TTC1: variants seen among roughly 807,000 people sequenced by gnomAD.
The protein encoded by TTC1 is tetratricopeptide repeat protein 1.
Under a neutral mutation model 37.6 loss-of-function variants are expected in TTC1, and 31 were observed. The ratio of observed to expected loss-of-function variants is 0.82; its 90% CI spans 0.62 to 1.11. TTC1 has a LOEUF of 1.11. TTC1 is among the 50% of genes most tolerant of loss of function. TTC1 has a pLI of 0.00. For synonymous variants in TTC1, 127 were observed against 122.4 expected (o/e 1.04, Z -0.25); for missense variants, 351 against 339.0 (o/e 1.04, Z -0.28).
Position 160,010,545 on chromosome 5 carries a change from A to G in TTC1, c.17A>G (p.Glu6Gly). The change falls in exon 2 of 8, where the codon GAG (glutamate) becomes GGG (glycine). Residue 6 changes from glutamate to glycine, a missense_variant. Transcript: ENST00000231238. MGEKSENCGVPEDLLN... is the reference protein window; with the variant it reads MGEKSGNCGVPEDLLN... ...CTGGGCAGCATGGGGGAGAAGTCAG[A>G]GAACTGTGGGGTTCCAGAGGATCTG... 3 of 1,613,232 alleles carry G rather than the reference A, an allele frequency of 1.9e-6. No homozygotes were observed. The highest frequency in any genetic ancestry group is 2.5e-6 in the Non-Finnish European group (3 of 1,179,300).
chr5:160,030,996 A>G (rs1012324237), intron 2 of TTC1, among the ~76,000 whole-genome samples: 2 of 152,152 alleles, frequency 1.3e-5, no homozygotes, highest in Non-Finnish European at 2.9e-5. Context: ...AGACCTATAC[A>G]CTATCTATCA....
chr5:160,033,894 ATTAC>A, intron 2 of TTC1, among the ~76,000 whole-genome samples: 1 of 152,282 alleles, frequency 6.6e-6, no homozygotes, highest in Admixed American at 6.5e-5. Context: ...TCCCTTTGAA[ATTAC>A]TTAATCAGAA....
At chr5:160,034,105 C>T (rs913424468) in intron 2 of TTC1, among the ~76,000 whole-genome samples, 5 of 145,354 alleles carry the variant, frequency 3.4e-5, no homozygotes, top group African/African-American at 1.3e-4. Flanking sequence ...CTAGCCTGGA[C>T]AACATAGTGA....
At chr5:160,059,728 C>G (rs1009908480) in intron 7 of TTC1, among the ~76,000 whole-genome samples, 4 of 152,192 alleles carry the variant, frequency 2.6e-5, no homozygotes, top group Non-Finnish European at 5.9e-5. Flanking sequence ...CTGTCTTATG[C>G]GGGTGCAGTT....
intron 3 of TTC1, among the ~76,000 whole-genome samples, chr5:160,035,465 C>G (rs1461669795): frequency 1.3e-5 from 2 of 152,198 alleles, no homozygotes; most frequent in Non-Finnish European, 2.9e-5. Context: ...GGGTAAAACT[C>G]TTGAGCTCTT....
intron 2 of TTC1, among the ~76,000 whole-genome samples, chr5:160,019,608 T>C (rs2113348174): frequency 7.3e-6 from 1 of 137,614 alleles, no homozygotes; most frequent in South Asian, 2.3e-4. Flanking sequence ...TTTTTTGAGA[T>C]GGATATTCCC....
At chr5:160,010,049 A>G (rs1756467583) in intron 1 of TTC1, among the ~76,000 whole-genome samples, 1 of 152,150 alleles carries the variant, frequency 6.6e-6, no homozygotes, top group Non-Finnish European at 1.5e-5. Context: ...CAGAACACGA[A>G]CGGTGGAACG....
chr5:160,030,626 G>A (rs189883219), intron 2 of TTC1, among the ~76,000 whole-genome samples: 1 of 152,322 alleles, frequency 6.6e-6, no homozygotes, highest in Admixed American at 6.5e-5. Context: ...CGTTCATCAA[G>A]AGCATTGGCT....
intron 7 of TTC1, among the ~76,000 whole-genome samples, chr5:160,059,013 C>T (rs1757625742): frequency 6.6e-6 from 1 of 152,292 alleles, no homozygotes; most frequent in Middle Eastern, 3.4e-3. Flanking sequence ...GTAGATTTAG[C>T]ATCATTCTTA....
At chr5:160,054,166 T>G (rs1468463569) in intron 7 of TTC1, among the ~76,000 whole-genome samples, 1 of 152,022 alleles carries the variant, frequency 6.6e-6, no homozygotes, top group African/African-American at 2.4e-5. Context: ...TTAAAAGGAC[T>G]TAAGGGTATG....
rs1027909297 is a variant in TTC1 at position 160,036,772 on chromosome 5, T to G, written c.473T>G (p.Phe158Cys). ...SCFQKERSIL[F>C]SNRAAARMKQ... ...TTCCAAAAGGAGAGGTCGATTCTATTTTCAAATAGAGCTGCAGCAAGGATG... is the reference window on the plus strand; with the variant it reads ...TTCCAAAAGGAGAGGTCGATTCTATGTTCAAATAGAGCTGCAGCAAGGATG... The change falls in exon 4 of 8, where the codon TTT (phenylalanine) becomes TGT (cysteine). Residue 158 changes from phenylalanine to cysteine, a missense_variant. Coordinates refer to ENST00000231238, the MANE Select transcript of TTC1 (RefSeq NM_003314.3). 6.2e-7 allele frequency: 1 copy of G among 1,613,922 alleles called. No homozygotes were observed. Among genetic ancestry groups the G allele is most frequent in the Non-Finnish European group, 8.5e-7 (1 of 1,179,920 alleles).
rs1218552186 is a variant in TTC1, at chr5:160,050,766, C to T, written c.691-363C>T. On this transcript the variant is annotated intron_variant, in intron 6 of 7. Coordinates refer to ENST00000231238, the MANE Select transcript of TTC1 (RefSeq NM_003314.3). ...TCAGCCTCCTGAGTAGCTGCGACTA[C>T]AGACACATGCCAACACACCCAGCTA... Among the ~76,000 whole-genome samples the T allele has an allele frequency of 2.0e-5, 3 of 151,684 alleles. No individual in the cohort carries two copies. The East Asian group carries it at 5.8e-4, about 29-fold the overall frequency.
At chr5:160,045,520 A>ACACACTCTCTCTCTCT (rs1202139318) in intron 5 of TTC1, among the ~76,000 whole-genome samples, 1 of 54,884 alleles carries the variant, frequency 1.8e-5, no homozygotes, top group East Asian at 6.2e-4. Flanking sequence ...ACACATACAC[A>ACACACTCTCTCTCTCT]CTCTCTCTCT....
chr5:160,028,646 T>C lies in TTC1; in HGVS notation c.331-6494T>C, dbSNP rs74402218. Among the ~76,000 whole-genome samples the C allele has an allele frequency of 7.4e-3, 1,130 of 152,214 alleles. 15 individuals are homozygous for C. The highest frequency in any genetic ancestry group is 0.026 in the African/African-American group (1,077 of 41,524). On this transcript the variant is annotated intron_variant, in intron 2 of 7. Coordinates refer to ENST00000231238, the MANE Select transcript of TTC1 (RefSeq NM_003314.3). ...GCACCACCACACATGGCTAATTTTT[T>C]TGGCTTTTTGCTAGAAACAGGGTTT... is the stretch of plus-strand genomic sequence containing the variant.
At chr5:160,034,474 C>T (rs1045412542) in intron 2 of TTC1, among the ~76,000 whole-genome samples, 1 of 152,258 alleles carries the variant, frequency 6.6e-6, no homozygotes, top group South Asian at 2.1e-4. Flanking sequence ...CTGCCCTAAC[C>T]CTACAGACTT....
At chr5:160,029,434 G>A (rs1036467877) in intron 2 of TTC1, among the ~76,000 whole-genome samples, 3 of 146,116 alleles carry the variant, frequency 2.1e-5, no homozygotes, top group African/African-American at 7.7e-5. Flanking sequence ...TTGAGCCCAG[G>A]AGTTTAAGAC....
At chr5:160,015,693 T>C (rs973803155) in intron 2 of TTC1, among the ~76,000 whole-genome samples, 1 of 152,132 alleles carries the variant, frequency 6.6e-6, no homozygotes, top group African/African-American at 2.4e-5. Context: ...AACTACTAAG[T>C]GTAAGTAAAG....
chr5:160,028,155 C>G (rs987659818), intron 2 of TTC1, among the ~76,000 whole-genome samples: 2 of 151,982 alleles, frequency 1.3e-5, no homozygotes, highest in Admixed American at 6.6e-5. Flanking sequence ...AAAAATTGGC[C>G]TGGTGTGGTG....
At chr5:160,037,694 T>C (rs1247810990) in intron 4 of TTC1, among the ~76,000 whole-genome samples, 3 of 151,696 alleles carry the variant, frequency 2.0e-5, no homozygotes, top group Admixed American at 6.6e-5. Context: ...AGAGCAAAAC[T>C]CTGTCTCAAA....
Sources: allele counts gnomAD v4.1 joint callset (sites outside exome capture counted in the v4.1 genomes callset), GRCh38; gene constraint gnomAD v4.1.1; transcripts MANE v1.5; gene names NCBI Gene and HGNC (gene_info 2026-07-23, HGNC 2026-07-21).